The following SSUH2 variants were observed in gnomAD, a reference collection of about 807,000 sequenced individuals.
SSUH2 encodes protein SSUH2 homolog.
A neutral mutation model predicts 55.3 loss-of-function variants in SSUH2; 47 were observed. That is an observed-to-expected ratio of 0.85 (90% CI 0.67 to 1.08). The LOEUF (loss-of-function observed/expected upper bound fraction) is 1.08, where lower values mean the gene tolerates loss of function less well. Among genes scored for constraint, SSUH2 ranks in the 50% least tolerant of loss-of-function variants. The pLI, the probability that SSUH2 is intolerant of heterozygous loss-of-function variation, is 0.00. For missense variants in SSUH2, 535 were observed against 490.7 expected, an observed-to-expected ratio of 1.09 and a Z score of -0.85; for synonymous variants, 212 against 191.5, an observed-to-expected ratio of 1.11 and a Z score of -0.89.
intron 7 of SSUH2, among the ~76,000 whole-genome samples, chr3:8,628,623 G>A (rs554627853): frequency 1.7e-4 from 26 of 152,318 alleles, no homozygotes; most frequent in Admixed American, 1.6e-3. Context: ...CCCATGTGAA[G>A]ACAAAAAGAC....
chr3:8,629,678 G>T lies in SSUH2; in HGVS notation c.574C>A (p.His192Asn). 2.6e-6 allele frequency: 3 copies of T among 1,159,932 alleles called. No homozygotes were observed. The highest frequency in any genetic ancestry group is 3.7e-6 in the Non-Finnish European group (3 of 812,354). The allele number at this position is 1,159,932 out of a possible 1,614,324, so 71.9% of individuals were successfully genotyped here. A position where few individuals can be genotyped will look rare whatever the true frequency, so the allele number is the denominator to read the frequency against. The change falls in exon 7 of 12, where the codon CAC (histidine) becomes AAC (asparagine). Residue 192 changes from histidine to asparagine, a missense_variant. His to Asn is a moderately conservative substitution (Grantham distance 68). Transcript: ENST00000544814. ...AGATGACTCACCGTGCCCGCCCCGTGGCAGCCGCTGCACTTGTACCGCCCA... is the reference window on the plus strand; with the variant it reads ...AGATGACTCACCGTGCCCGCCCCGTTGCAGCCGCTGCACTTGTACCGCCCA... The part of the protein sequence containing the change: ...GRGRYKCSGC[H>N]GAGTVRCPSC...
At chr3:8,671,091 C>G (rs1387774745) in exon 5 of SSUH2, 1 of 283,314 alleles carries the variant, frequency 3.5e-6, no homozygotes, top group Admixed American at 3.3e-5. Flanking sequence ...TGAAGTCCCG[C>G]TAGGATATTA....
upstream of SSUH2, among the ~76,000 whole-genome samples, chr3:8,646,972 A>G (rs1701754600): frequency 6.6e-6 from 1 of 152,254 alleles, no homozygotes; most frequent in South Asian, 2.1e-4. Context: ...GAATTAGCAC[A>G]GCTGTCCAGG....
intron 7 of SSUH2, among the ~76,000 whole-genome samples, chr3:8,658,013 G>A (rs901009520): frequency 1.3e-5 from 2 of 152,248 alleles, no homozygotes; most frequent in African/African-American, 4.8e-5. Flanking sequence ...TGTGTGGGGA[G>A]ACAGTGAGGG....
At chr3:8,654,349 C>T (rs1702724523) in intron 7 of SSUH2, among the ~76,000 whole-genome samples, 1 of 152,246 alleles carries the variant, frequency 6.6e-6, no homozygotes. Flanking sequence ...ACAAAAGAAT[C>T]TGGCTTCTTT....
chr3:8,649,744 C>T (rs958189905), upstream of SSUH2, among the ~76,000 whole-genome samples: 26 of 152,104 alleles, frequency 1.7e-4, no homozygotes, highest in African/African-American at 6.0e-4. Context: ...TTGCTGCAGT[C>T]ACTTCCTCAT....
At chr3:8,679,295 ACCCCCCATGAG>A (rs1705771540) in intron 2 of SSUH2, among the ~76,000 whole-genome samples, 1 of 91,678 alleles carries the variant, frequency 1.1e-5, no homozygotes, top group Admixed American at 1.2e-4. Flanking sequence ...GGGGGGAGCC[ACCCCCCATGAG>A]GCGGGGACTA....
intron 7 of SSUH2, among the ~76,000 whole-genome samples, chr3:8,656,642 G>A (rs1180238531): frequency 6.6e-6 from 1 of 152,184 alleles, no homozygotes; most frequent in Non-Finnish European, 1.5e-5. Flanking sequence ...GGACGAAAAG[G>A]CCACATCATC....
At chr3:8,675,690 A>C (rs1705167667) in intron 3 of SSUH2, among the ~76,000 whole-genome samples, 1 of 152,130 alleles carries the variant, frequency 6.6e-6, no homozygotes, top group South Asian at 2.1e-4. Context: ...TAGACTGTGG[A>C]TCCCAAACTT....
At chr3:8,672,925 G>A (rs1184300497) in intron 3 of SSUH2, among the ~76,000 whole-genome samples, 4 of 152,104 alleles carry the variant, frequency 2.6e-5, no homozygotes, top group South Asian at 2.1e-4. Flanking sequence ...GATATTGAAC[G>A]TAATATCATG....
intron 6 of SSUH2, among the ~76,000 whole-genome samples, chr3:8,660,301 C>G (rs1313982500): frequency 2.0e-5 from 3 of 152,120 alleles, no homozygotes; most frequent in African/African-American, 4.8e-5. Flanking sequence ...AAAGAGCAGC[C>G]CAAGGCAACC....
intron 7 of SSUH2, among the ~76,000 whole-genome samples, chr3:8,656,576 C>G (rs140630147): frequency 6.6e-6 from 1 of 152,098 alleles, no homozygotes; most frequent in Non-Finnish European, 1.5e-5. Context: ...GCTGGGGACA[C>G]GACGGGGAGC....
chr3:8,639,986 GA>G (rs1263818782), intron 1 of SSUH2: 1 of 985,334 alleles, frequency 1.0e-6, no homozygotes, highest in East Asian at 1.1e-4. Flanking sequence ...AATGCCTCGT[GA>G]TTTGAATTAT....
intron 2 of SSUH2, among the ~76,000 whole-genome samples, 186 bp downstream of exon 2, chr3:8,635,573 A>C (rs1699785201): frequency 6.6e-6 from 1 of 152,206 alleles, no homozygotes; most frequent in African/African-American, 2.4e-5. Flanking sequence ...GCAGTCATGG[A>C]CTGTTCATAG....
intron 3 of SSUH2, among the ~76,000 whole-genome samples, chr3:8,675,981 C>T (rs538558434): frequency 6.6e-6 from 1 of 152,214 alleles, no homozygotes; most frequent in Non-Finnish European, 1.5e-5. Flanking sequence ...GGATGGCCCC[C>T]CGTTTGAGGG....
rs550557930 is a variant in SSUH2 at position 8,679,458 on chromosome 3, C to T, written c.-901+247G>A. ...CCCCCATCACAGCGGGGGGAGGCAC[C>T]CCCCGGGAGGCGGGGACTGAGAACC... On this transcript the variant is annotated intron_variant, in intron 2 of 18. Transcript: ENST00000317371. Among the ~76,000 whole-genome samples the T allele has an allele frequency of 4.8e-3, 686 of 142,088 alleles. 7 individuals are homozygous for T. The highest frequency in any genetic ancestry group is 8.1e-3 in the Non-Finnish European group (506 of 62,736). 93.2% of individuals were successfully genotyped at this position (142,088 alleles called of 152,430 possible).
At position 8,679,047 on chromosome 3, in the gene SSUH2, GCA is replaced by G. The variant is rs1705717376; in HGVS notation, c.-901+656_-901+657del. Among the ~76,000 whole-genome samples, 3 of 94,632 alleles carry G rather than the reference GCA, an allele frequency of 3.2e-5. 1 individual carries two copies. Among genetic ancestry groups the G allele is most frequent in the South Asian group, 7.8e-4 (2 of 2,554 alleles). 62.1% of individuals were successfully genotyped at this position (94,632 alleles called of 152,430 possible). ...CCCCCTGGCTCTTAGGACACCAAACGCAGGGGAGGAAGCACCCCCCGCGAGGC... is the reference window on the plus strand; with the variant it reads ...CCCCCTGGCTCTTAGGACACCAAACGGGGGAGGAAGCACCCCCCGCGAGGC... On this transcript the variant is annotated intron_variant, in intron 2 of 18. Transcript: ENST00000317371.
upstream of SSUH2, among the ~76,000 whole-genome samples, chr3:8,648,314 G>T: frequency 6.6e-6 from 1 of 152,182 alleles, no homozygotes; most frequent in East Asian, 1.9e-4. Context: ...TCTGTGTGTT[G>T]TTATGTGTCG....
chr3:8,639,268 C>A (rs1427629249), intron 1 of SSUH2, among the ~76,000 whole-genome samples: 3 of 152,162 alleles, frequency 2.0e-5, no homozygotes, highest in African/African-American at 7.2e-5. Context: ...CTGGACCACC[C>A]CGCCCTAACA....
Sources: gnomAD v4.1 joint callset for allele counts (sites outside exome capture counted in the v4.1 genomes callset) on GRCh38, gnomAD v4.1.1 for gene constraint, MANE v1.5 for transcripts, NCBI Gene and HGNC (gene_info 2026-07-23, HGNC 2026-07-21) for gene names.